Variants in SCN9A observed in about 807,000 individuals in gnomAD.
SCN9A encodes sodium voltage-gated channel alpha subunit 9, also known as sodium channel protein type 9 subunit alpha.
A neutral mutation model predicts 187.0 loss-of-function variants in SCN9A; 131 were observed. The observed-to-expected ratio is 0.70, with a 90% CI of 0.61 to 0.81. The LOEUF (loss-of-function observed/expected upper bound fraction) is 0.81, where lower values mean the gene tolerates loss of function less well. Among genes scored for constraint, SCN9A ranks in the 30% least tolerant of loss-of-function variants. The probability of loss-of-function intolerance (pLI) is 0.00; values close to 1 mark genes in which losing one functional copy is unlikely to be tolerated. For missense variants in SCN9A, 2,252 were observed against 2,396.6 expected (o/e 0.94, Z 1.26); for synonymous variants, 809 against 808.6 (o/e 1.00, Z -0.01).
chr2:166,204,241 A>T lies in SCN9A; in HGVS notation c.4504-16T>A. On this transcript the variant is annotated splice_polypyrimidine_tract_variant and intron_variant, in intron 25 of 26. Coordinates refer to ENST00000642356, the MANE Select transcript of SCN9A (RefSeq NM_001365536.1). ...GGATTTTGTTCTGCAAAGAAATAAGAATAATATCGAATGCAGAGTAAACTT... is the reference window on the plus strand; with the variant it reads ...GGATTTTGTTCTGCAAAGAAATAAGTATAATATCGAATGCAGAGTAAACTT... 1 of 1,602,696 alleles carries T rather than the reference A, an allele frequency of 6.2e-7. No individual in the cohort carries two copies. The highest frequency in any genetic ancestry group is 8.5e-7 in the Non-Finnish European group (1 of 1,174,344).
intron 14 of SCN9A, among the ~76,000 whole-genome samples, chr2:166,278,851 C>A (rs776396888): frequency 6.6e-5 from 10 of 152,176 alleles, no homozygotes; most frequent in Non-Finnish European, 1.3e-4. Context: ...CACAAAAGTG[C>A]ATTGCAAAAT....
chr2:166,360,712 G>A (rs1700263835), intron 1 of SCN9A, among the ~76,000 whole-genome samples: 1 of 152,146 alleles, frequency 6.6e-6, no homozygotes, highest in South Asian at 2.1e-4. Flanking sequence ...GTCTTATAAA[G>A]TTATCATGTA....
intron 1 of SCN9A, among the ~76,000 whole-genome samples, chr2:166,365,680 A>C (rs1160489738): frequency 6.6e-6 from 1 of 152,056 alleles, no homozygotes; most frequent in Non-Finnish European, 1.5e-5. Flanking sequence ...TAGCTCCCTT[A>C]GTTTTTCATT....
At chr2:166,229,406 T>C (rs1171771116) in intron 21 of SCN9A, among the ~76,000 whole-genome samples, 2 of 152,076 alleles carry the variant, frequency 1.3e-5, no homozygotes, top group Non-Finnish European at 2.9e-5. Context: ...TACATTTAAA[T>C]GTTCATGATC....
In SCN9A at chr2:166,204,350, A is replaced by T. The variant is rs1558945498; in HGVS notation, c.4503+10T>A. The T allele has an allele frequency of 5.6e-6, 9 of 1,594,660 alleles. No homozygotes were observed. The highest frequency in any genetic ancestry group is 2.3e-5 in the South Asian group (2 of 88,838). On this transcript the variant is annotated intron_variant, in intron 25 of 26. Coordinates refer to ENST00000642356, the MANE Select transcript of SCN9A (RefSeq NM_001365536.1). ...AAATCTATATGCTAAAGATATATATATTTTTTTACCCCTGGTCGAGGAATT... is the reference window on the plus strand; with the variant it reads ...AAATCTATATGCTAAAGATATATATTTTTTTTTACCCCTGGTCGAGGAATT...
intron 2 of SCN9A, among the ~76,000 whole-genome samples, chr2:166,308,426 T>A (rs1470898401): frequency 6.6e-6 from 1 of 152,036 alleles, no homozygotes; most frequent in Non-Finnish European, 1.5e-5. Flanking sequence ...TCTCATGAGA[T>A]CTGATGGGTT....
Position 166,280,421 on chromosome 2 carries a change from A to G in SCN9A, c.2279T>C (p.Phe760Ser), listed in dbSNP as rs1297575802. ...ITICIVLNTL[F>S]MAMEHHPMTE... Reference sequence around the variant, plus strand: ...CATTGGGTGGTGTTCCATAGCCATAAATAATGTGTTTAAAACTATGCAAAT... The same window carrying G: ...CATTGGGTGGTGTTCCATAGCCATAGATAATGTGTTTAAAACTATGCAAAT... Residue 760 changes from phenylalanine (F) to serine (S), a missense_variant, in exon 14 of 27, where the codon TTT becomes TCT. Phe to Ser is a radical substitution (Grantham distance 155). Around this residue, in one of 7 missense-constraint regions of SCN9A, gnomAD observed 1,013 missense variants for 997.4 expected, o/e 1.02. Coordinates refer to ENST00000642356, the MANE Select transcript of SCN9A (RefSeq NM_001365536.1). 1.9e-6 allele frequency: 3 copies of G among 1,592,814 alleles called. No individual in the cohort carries two copies. The highest frequency in any genetic ancestry group is 1.3e-5 in the African/African-American group (1 of 74,820).
intron 24 of SCN9A, among the ~76,000 whole-genome samples, chr2:166,225,618 A>G (rs1694813930): frequency 6.6e-6 from 1 of 152,198 alleles, no homozygotes; most frequent in Admixed American, 6.5e-5. Flanking sequence ...TGCCCTAAGA[A>G]GGTACATATA....
At chr2:166,227,009 G>C (rs1028534518) in intron 23 of SCN9A, among the ~76,000 whole-genome samples, 1 of 151,986 alleles carries the variant, frequency 6.6e-6, no homozygotes, top group Non-Finnish European at 1.5e-5. Context: ...ATAACTAAGT[G>C]ACATACTATG....
At chr2:166,205,794 A>G (rs1693771395) in intron 24 of SCN9A, among the ~76,000 whole-genome samples, 1 of 152,232 alleles carries the variant, frequency 6.6e-6, no homozygotes, top group Non-Finnish European at 1.5e-5. Context: ...CAGAATCTAC[A>G]AAGAACTTAA....
At chr2:166,311,172 C>G (rs1698930273) in intron 2 of SCN9A, among the ~76,000 whole-genome samples, 1 of 127,578 alleles carries the variant, frequency 7.8e-6, no homozygotes, top group African/African-American at 3.2e-5. Flanking sequence ...GGGTGCAGCG[C>G]ACCAGCATGG....
intron 1 of SCN9A, among the ~76,000 whole-genome samples, chr2:166,315,665 TG>T (rs1303371753): frequency 6.6e-6 from 1 of 152,202 alleles, no homozygotes; most frequent in East Asian, 1.9e-4. Flanking sequence ...CAGCTTTAGT[TG>T]GCATCTGAGT....
At chr2:166,230,223 T>A (rs1574764598) in intron 21 of SCN9A, among the ~76,000 whole-genome samples, 1 of 152,120 alleles carries the variant, frequency 6.6e-6, no homozygotes, top group African/African-American at 2.4e-5. Context: ...TGACCTTTGG[T>A]CCAGAGCAAT....
At chr2:166,358,595 G>T (rs1477629255) in intron 1 of SCN9A, among the ~76,000 whole-genome samples, 1 of 151,900 alleles carries the variant, frequency 6.6e-6, no homozygotes, top group Non-Finnish European at 1.5e-5. Context: ...AAATATTTTT[G>T]TAAGTTTGCT....
chr2:166,346,140 A>C (rs944756166), intron 1 of SCN9A, among the ~76,000 whole-genome samples: 15 of 152,176 alleles, frequency 9.9e-5, no homozygotes, highest in Non-Finnish European at 1.8e-4. Context: ...TGAAAAGAGT[A>C]AACAAGCAAG....
At chr2:166,220,346 G>A (rs988892055) in intron 24 of SCN9A, among the ~76,000 whole-genome samples, 5 of 152,198 alleles carry the variant, frequency 3.3e-5, no homozygotes, top group African/African-American at 1.2e-4. Flanking sequence ...TGGGAGGTGA[G>A]ACCTTTAAGA....
chr2:166,278,781 A>C (rs563844280), intron 14 of SCN9A, among the ~76,000 whole-genome samples: 1 of 152,190 alleles, frequency 6.6e-6, no homozygotes, highest in African/African-American at 2.4e-5. Flanking sequence ...TTATCAGCAG[A>C]AGAGAAAAAA....
At chr2:166,245,638 A>G (rs1367318589) in intron 18 of SCN9A, among the ~76,000 whole-genome samples, 2 of 152,050 alleles carry the variant, frequency 1.3e-5, no homozygotes, top group African/African-American at 4.8e-5. Context: ...ACTACAGTGA[A>G]TTCTTCCTCA....
intron 2 of SCN9A, among the ~76,000 whole-genome samples, chr2:166,310,937 G>A (rs527487277): frequency 2.3e-5 from 2 of 87,880 alleles, no homozygotes; most frequent in Admixed American, 2.0e-4. Flanking sequence ...ATGAGTTCAC[G>A]TCCTTTGTAG....
Sources: gnomAD v4.1 joint callset for allele counts (sites outside exome capture counted in the v4.1 genomes callset) on GRCh38, gnomAD v4.1.1 for gene constraint, gnomAD v4.1.1 regional missense constraint, MANE v1.5 for transcripts, NCBI Gene and HGNC (gene_info 2026-07-23, HGNC 2026-07-21) for gene names.